The following L2HGDH variants were observed in gnomAD, a reference collection of about 807,000 sequenced individuals.
The protein encoded by L2HGDH is L-2-hydroxyglutarate dehydrogenase, also known as L-2-hydroxyglutarate dehydrogenase, mitochondrial.
In L2HGDH, 34 loss-of-function variants were observed where a neutral mutation model predicts 51.5. The observed-to-expected ratio is 0.66, with a 90% CI of 0.50 to 0.88. The LOEUF (loss-of-function observed/expected upper bound fraction) is 0.88. Among genes scored for constraint, L2HGDH ranks in the 40% least tolerant of loss-of-function variants. The probability of loss-of-function intolerance (pLI) is 0.00; values close to 1 mark genes in which losing one functional copy is unlikely to be tolerated. For missense variants in L2HGDH, 558 were observed against 571.9 expected (o/e 0.98, Z 0.25); for synonymous variants, 198 against 197.9 (o/e 1.00, Z -0.01).
intron 1 of L2HGDH, among the ~76,000 whole-genome samples, chr14:50,303,987 T>C (rs935151292): frequency 2.0e-5 from 3 of 152,114 alleles, no homozygotes; most frequent in African/African-American, 4.8e-5. Context: ...ACCATAGGGT[T>C]AGGTTCTAAG....
At chr14:50,271,979 A>G (rs999827869) in intron 6 of L2HGDH, among the ~76,000 whole-genome samples, 1 of 152,142 alleles carries the variant, frequency 6.6e-6, no homozygotes, top group African/African-American at 2.4e-5. Flanking sequence ...TGTCTCTACT[A>G]AAAATACAAA....
At chr14:50,309,939 C>T (rs1359761750) in intron 1 of L2HGDH, among the ~76,000 whole-genome samples, 2 of 152,088 alleles carry the variant, frequency 1.3e-5, no homozygotes, top group East Asian at 3.9e-4. Context: ...AACCTATCCT[C>T]CCACCTCGGC....
In L2HGDH at chr14:50,245,446, A is replaced by G. The variant is rs1168501329; in HGVS notation, c.*1612T>C. Reference sequence around the variant, plus strand: ...TTTCATGATGATACCATACCACATCAGTTACAAAGAGACTGGAAATAATAA... The same window carrying G: ...TTTCATGATGATACCATACCACATCGGTTACAAAGAGACTGGAAATAATAA... On this transcript the variant is annotated 3_prime_UTR_variant, in exon 10 of 10. Transcript: ENST00000267436. 1.0e-6 allele frequency: 1 copy of G among 984,608 alleles called. No individual in the cohort carries two copies. The highest frequency in any genetic ancestry group is 1.2e-6 in the Non-Finnish European group (1 of 829,268). 61.0% of individuals were successfully genotyped at this position (984,608 alleles called of 1,614,324 possible). A position where few individuals can be genotyped will look rare whatever the true frequency, so the allele number is the denominator to read the frequency against.
Position 50,243,625 on chromosome 14 carries a change from C to G in L2HGDH, c.*3433G>C. 1.3e-6 allele frequency: 1 copy of G among 746,268 alleles called. No individual in the cohort carries two copies. Among genetic ancestry groups the G allele is most frequent in the Non-Finnish European group, 1.6e-6 (1 of 613,926 alleles). 46.2% of individuals were successfully genotyped at this position (746,268 alleles called of 1,614,324 possible). On this transcript the variant is annotated 3_prime_UTR_variant, in exon 10 of 10. Transcript: ENST00000267436. ...CAGAATAACCTACATATTCAAAACACTTTCAACAAATTTTTCATTTTTATT... is the reference window on the plus strand; with the variant it reads ...CAGAATAACCTACATATTCAAAACAGTTTCAACAAATTTTTCATTTTTATT...
Position 50,242,550 on chromosome 14 carries a change from G to A in L2HGDH, c.*4508C>T. ...CTTTCTAGGATTTGAGGCCAGAAAA[G>A]TAGAGTTGGTTGGTATCAACACTGT... On this transcript the variant is annotated 3_prime_UTR_variant, in exon 10 of 10. Transcript: ENST00000267436. 3.0e-6 allele frequency: 3 copies of A among 984,950 alleles called. No homozygotes were observed. The highest frequency in any genetic ancestry group is 9.4e-5 in the South Asian group (2 of 21,284). The allele number at this position is 984,950 out of a possible 1,614,324, so 61.0% of individuals were successfully genotyped here. A position where few individuals can be genotyped will look rare whatever the true frequency, so the allele number is the denominator to read the frequency against.
At chr14:50,298,615 G>A (rs2030220674) in intron 3 of L2HGDH, among the ~76,000 whole-genome samples, 2 of 152,104 alleles carry the variant, frequency 1.3e-5, no homozygotes, top group South Asian at 4.1e-4. Flanking sequence ...TGCCCGGCCG[G>A]GAGGTCAAGG....
chr14:50,252,662 G>A (rs545699493), intron 9 of L2HGDH, among the ~76,000 whole-genome samples: 57 of 152,062 alleles, frequency 3.7e-4, no homozygotes, highest in Middle Eastern at 3.5e-3. Context: ...AAAATAGACT[G>A]CAAGACAAAA....
intron 9 of L2HGDH, among the ~76,000 whole-genome samples, chr14:50,253,310 T>C (rs559933319): frequency 1.3e-5 from 2 of 152,180 alleles, no homozygotes; most frequent in South Asian, 4.1e-4. Context: ...AACTAGAATA[T>C]ACAAGAAGCT....
Position 50,245,344 on chromosome 14 carries a change from G to C in L2HGDH, c.*1714C>G. The C allele has an allele frequency of 1.0e-6, 1 of 985,296 alleles. No homozygotes were observed. The highest frequency in any genetic ancestry group is 1.7e-5 in the African/African-American group (1 of 57,320). The allele number at this position is 985,296 out of a possible 1,614,324, so 61.0% of individuals were successfully genotyped here. ...TCTAAAACTGCTCTCATAAAAATCT[G>C]TCTCTTCTAAGTTATTTCAGTTCTC... On this transcript the variant is annotated 3_prime_UTR_variant, in exon 10 of 10. Transcript: ENST00000267436.
intron 9 of L2HGDH, among the ~76,000 whole-genome samples, chr14:50,258,010 G>T (rs182342147): frequency 7.6e-4 from 111 of 146,684 alleles, no homozygotes; most frequent in African/African-American, 2.7e-3. Context: ...TTTTACATTT[G>T]CTTCTATTAC....
chr14:50,245,939 T>C lies in L2HGDH; in HGVS notation c.*1119A>G, dbSNP rs1284885590. 1.1e-5 allele frequency: 4 copies of C among 376,812 alleles called. No homozygotes were observed. Among genetic ancestry groups the C allele is most frequent in the Non-Finnish European group, 1.5e-5 (4 of 273,574 alleles). 23.3% of individuals were successfully genotyped at this position (376,812 alleles called of 1,614,324 possible). A position where few individuals can be genotyped will look rare whatever the true frequency, so the allele number is the denominator to read the frequency against. ...GAATTCGAGACCAGCCTGGCCAACA[T>C]GGCAAAACCCCGTCTCTACTAAAAA... On this transcript the variant is annotated 3_prime_UTR_variant, in exon 10 of 10. Coordinates refer to ENST00000267436, the MANE Select transcript of L2HGDH (RefSeq NM_024884.3).
At chr14:50,279,727 T>C (rs1289565101) in intron 5 of L2HGDH, among the ~76,000 whole-genome samples, 1 of 151,524 alleles carries the variant, frequency 6.6e-6, no homozygotes, top group East Asian at 1.9e-4. Context: ...GGAAAAAGCA[T>C]ATTTAAAAAG....
chr14:50,255,936 G>C (rs148235963), intron 9 of L2HGDH, among the ~76,000 whole-genome samples: 1 of 151,944 alleles, frequency 6.6e-6, no homozygotes, highest in African/African-American at 2.4e-5. Flanking sequence ...GCTGAGGCAG[G>C]AGAATCACTT....
At position 50,312,077 on chromosome 14, in the gene L2HGDH, C is replaced by T. The variant is rs1373872930; in HGVS notation, c.74G>A (p.Gly25Glu). 2.5e-6 allele frequency: 4 copies of T among 1,603,574 alleles called. No individual in the cohort carries two copies. Among genetic ancestry groups the T allele is most frequent in the Middle Eastern group, 1.7e-4 (1 of 5,962 alleles). Residue 25 changes from glycine to glutamate, a missense_variant, in exon 1 of 10, where the codon GGG becomes GAG. Gly to Glu is a moderately conservative substitution (Grantham distance 98, BLOSUM62 -2). Around this residue, in one of 3 missense-constraint regions of L2HGDH, gnomAD observed 194 missense variants for 187.2 expected, o/e 1.04. Coordinates refer to ENST00000267436, the MANE Select transcript of L2HGDH (RefSeq NM_024884.3). ...CCTCCCAGACGCGAACCCGCACGCC[C>T]CAGGGGAGCCACCGGCGAAAAGCCC... The part of the protein sequence containing the change: ...ARGLFAGGSP[G>E]ACGFASGRPR...
chr14:50,282,172 C>A (rs1429391444), intron 5 of L2HGDH, among the ~76,000 whole-genome samples: 1 of 152,000 alleles, frequency 6.6e-6, no homozygotes, highest in Non-Finnish European at 1.5e-5. Context: ...CACTTGGGGG[C>A]GTGATGGTAC....
At chr14:50,251,366 C>A (rs1285030179) in intron 9 of L2HGDH, among the ~76,000 whole-genome samples, 1 of 151,924 alleles carries the variant, frequency 6.6e-6, no homozygotes, top group Non-Finnish European at 1.5e-5. Flanking sequence ...AGCATGCCCA[C>A]AAAATCTAGA....
At chr14:50,269,408 A>G (rs902280360) in intron 6 of L2HGDH, 78 bp from the exon 7 acceptor site, 2 of 1,359,890 alleles carry the variant, frequency 1.5e-6, no homozygotes, top group Non-Finnish European at 2.1e-6. Flanking sequence ...GGTGATAGAA[A>G]AGAAAAAAAG....
chr14:50,295,959 G>A (rs1019744414), intron 3 of L2HGDH, among the ~76,000 whole-genome samples: 9 of 149,556 alleles, frequency 6.0e-5, no homozygotes, highest in African/African-American at 1.2e-4. Context: ...GGCTGGTCTC[G>A]AACTCCTGAC....
rs369101323 is a variant in L2HGDH at position 50,247,181 on chromosome 14, T to C, written c.1269A>G (p.Ala423=). The change falls in exon 10 of 10, where the codon GCA becomes GCG. Residue 423 remains alanine, a synonymous_variant. Transcript: ENST00000267436. Reference sequence around the variant, plus strand: ...TGCGATTTCCAATATCCCCAACTCCTGCATCAAATACAAAATCTTCTACCA... The same window carrying C: ...TGCGATTTCCAATATCCCCAACTCCCGCATCAAATACAAAATCTTCTACCA... ...GNLVEDFVFD[A]GVGDIGNRIL... 1.7e-4 allele frequency: 274 copies of C among 1,614,170 alleles called. 1 individual carries two copies. In the East Asian group the frequency reaches 2.4e-3, roughly 14 times the overall value.
Sources: gnomAD v4.1 joint callset for allele counts (sites outside exome capture counted in the v4.1 genomes callset) on GRCh38, gnomAD v4.1.1 for gene constraint, gnomAD v4.1.1 regional missense constraint, MANE v1.5 for transcripts, NCBI Gene and HGNC (gene_info 2026-07-23, HGNC 2026-07-21) for gene names.